GUCY1A2: variants seen among roughly 807,000 people sequenced by gnomAD.
GUCY1A2 encodes guanylate cyclase 1 soluble subunit alpha 2, also known as guanylate cyclase soluble subunit alpha-2.
Under a neutral mutation model 63.5 loss-of-function variants are expected in GUCY1A2, and 27 were observed. The observed-to-expected ratio is 0.43, with a 90% confidence interval of 0.31 to 0.59. The LOEUF (loss-of-function observed/expected upper bound fraction) is 0.59. Among genes scored for constraint, GUCY1A2 ranks in the 20% least tolerant of loss-of-function variants. GUCY1A2 has a pLI of 0.11. For synonymous variants in GUCY1A2, 364 were observed against 343.5 expected, an observed-to-expected ratio of 1.06 and a Z score of -0.66; for missense variants, 768 against 913.3, an observed-to-expected ratio of 0.84 and a Z score of 2.05.
At chr11:106,754,867 CAT>C (rs1863946107) in intron 6 of GUCY1A2, among the ~76,000 whole-genome samples, 1 of 152,158 alleles carries the variant, frequency 6.6e-6, no homozygotes, top group African/African-American at 2.4e-5. Flanking sequence ...ATGCTGGCCT[CAT>C]AAAATGAGTT....
At chr11:106,927,747 T>C (rs1052237672) in intron 4 of GUCY1A2, among the ~76,000 whole-genome samples, 3 of 150,094 alleles carry the variant, frequency 2.0e-5, no homozygotes. Context: ...TTTTTAAATA[T>C]ATTTTTAGTA....
At chr11:106,932,929 A>C (rs561611935) in intron 4 of GUCY1A2, among the ~76,000 whole-genome samples, 2 of 152,292 alleles carry the variant, frequency 1.3e-5, no homozygotes, top group East Asian at 3.9e-4. Context: ...AGGTGAATGA[A>C]ATGGGACCCC....
Position 106,703,912 on chromosome 11 carries a change from A to G in GUCY1A2, c.1991+4600T>C, listed in dbSNP as rs1862861230. ...CATTTAAGCAGAGGTACATAATTCA[A>G]TTAATCATGTGATTAATTGAATTAA... is the stretch of plus-strand genomic sequence containing the variant. On this transcript the variant is annotated intron_variant, in intron 7 of 7. Transcript: ENST00000526355. Among the ~76,000 whole-genome samples the G allele has an allele frequency of 2.6e-5, 4 of 152,182 alleles. No individual in the cohort carries two copies. The South Asian group carries it at 8.3e-4, about 32-fold the overall frequency.
chr11:106,947,330 T>C (rs954439984), intron 3 of GUCY1A2, among the ~76,000 whole-genome samples: 1 of 151,282 alleles, frequency 6.6e-6, no homozygotes. Context: ...AGCAAAATCA[T>C]AGAGAAATTA....
intron 6 of GUCY1A2, among the ~76,000 whole-genome samples, chr11:106,757,771 G>C (rs1591264116): frequency 6.6e-6 from 1 of 152,298 alleles, no homozygotes; most frequent in South Asian, 2.1e-4. Context: ...GAGCTCTCCT[G>C]TATGAGGTGT....
intron 3 of GUCY1A2, among the ~76,000 whole-genome samples, chr11:106,961,743 G>C: frequency 6.6e-6 from 1 of 152,130 alleles, no homozygotes. Flanking sequence ...TTCCTTTCTA[G>C]CTTGCAGAAG....
chr11:106,825,775 C>G (rs1322526647), intron 4 of GUCY1A2, among the ~76,000 whole-genome samples: 2 of 151,996 alleles, frequency 1.3e-5, no homozygotes, highest in African/African-American at 4.8e-5. Context: ...AAAAAAATTG[C>G]AAGAAAAATC....
rs76648571 is a variant in GUCY1A2 at position 106,819,840 on chromosome 11, T to C, written c.1207-9362A>G. 2.5e-3 allele frequency among the ~76,000 whole-genome samples: 385 copies of C among 152,272 alleles called. 2 individuals carry two copies. The highest frequency in any genetic ancestry group is 0.022 in the East Asian group (112 of 5,172). On this transcript the variant is annotated intron_variant, in intron 4 of 7. Transcript: ENST00000526355. ...AAAAATACTGTCTTTTGAGACACCATGTTTGAACATGAAGAACATTATGTA... is the reference window on the plus strand; with the variant it reads ...AAAAATACTGTCTTTTGAGACACCACGTTTGAACATGAAGAACATTATGTA...
rs76911646 is a variant in GUCY1A2, at chr11:106,873,942, T to C, written c.1207-63464A>G. On this transcript the variant is annotated intron_variant, in intron 4 of 7. Transcript: ENST00000526355. ...GTTTTTGCATATTGTCTCCTCTGCCTAGCGTGCTCTTTGTTTTCTAAGCTT... is the reference window on the plus strand; with the variant it reads ...GTTTTTGCATATTGTCTCCTCTGCCCAGCGTGCTCTTTGTTTTCTAAGCTT... Among the ~76,000 whole-genome samples, 876 of 152,318 alleles carry C rather than the reference T, an allele frequency of 5.8e-3. 5 individuals are homozygous for C. Among genetic ancestry groups the C allele is most frequent in the African/African-American group, 0.02 (844 of 41,588 alleles).
chr11:106,758,031 T>C (rs1031792806), intron 6 of GUCY1A2, among the ~76,000 whole-genome samples: 5 of 152,222 alleles, frequency 3.3e-5, no homozygotes, highest in African/African-American at 1.2e-4. Context: ...TGCTGCCTTT[T>C]GTTCAGATAT....
At chr11:106,948,028 T>A (rs551182931) in intron 3 of GUCY1A2, among the ~76,000 whole-genome samples, 2 of 152,178 alleles carry the variant, frequency 1.3e-5, no homozygotes, top group South Asian at 2.1e-4. Context: ...AAAAGAAACA[T>A]GCAACTTGCT....
At chr11:106,793,640 C>T (rs1864702144) in intron 5 of GUCY1A2, among the ~76,000 whole-genome samples, 1 of 151,884 alleles carries the variant, frequency 6.6e-6, no homozygotes, top group Non-Finnish European at 1.5e-5. Flanking sequence ...TCAAAGAACT[C>T]ATACAACTCA....
intron 4 of GUCY1A2, among the ~76,000 whole-genome samples, chr11:106,838,534 C>G (rs1042533059): frequency 2.0e-5 from 3 of 151,904 alleles, no homozygotes; most frequent in Non-Finnish European, 2.9e-5. Context: ...AAATTTTCAT[C>G]TTTATAAGCA....
chr11:106,966,844 TAA>T (rs1282616295), intron 3 of GUCY1A2, among the ~76,000 whole-genome samples: 3 of 152,288 alleles, frequency 2.0e-5, no homozygotes, highest in African/African-American at 7.2e-5. Context: ...ACTGACAAAT[TAA>T]GAGAAGTAAA....
chr11:106,946,705 T>A (rs1371560268), intron 3 of GUCY1A2, among the ~76,000 whole-genome samples: 1 of 152,058 alleles, frequency 6.6e-6, no homozygotes, highest in Non-Finnish European at 1.5e-5. Context: ...GCTAAATATA[T>A]AAAGCAAAAA....
At chr11:106,786,601 C>T (rs1864560056) in intron 5 of GUCY1A2, among the ~76,000 whole-genome samples, 1 of 152,176 alleles carries the variant, frequency 6.6e-6, no homozygotes, top group African/African-American at 2.4e-5. Context: ...ATATTGAATA[C>T]TGAAGCATGT....
At chr11:106,727,962 AT>A (rs1027463684) in intron 6 of GUCY1A2, among the ~76,000 whole-genome samples, 9 of 152,184 alleles carry the variant, frequency 5.9e-5, no homozygotes, top group African/African-American at 2.2e-4. Flanking sequence ...CCAAATTAGA[AT>A]CTCCCAATGG....
At position 107,018,007 on chromosome 11, in the gene GUCY1A2, C is replaced by G. The variant is rs1251689662; in HGVS notation, c.49G>C (p.Asp17His). 11 of 1,473,510 alleles carry G rather than the reference C, an allele frequency of 7.5e-6. No individual in the cohort carries two copies. Among genetic ancestry groups the G allele is most frequent in the Admixed American group, 2.0e-5 (1 of 48,880 alleles). The allele number at this position is 1,473,510 out of a possible 1,614,324, so 91.3% of individuals were successfully genotyped here. A position where few individuals can be genotyped will look rare whatever the true frequency, so the allele number is the denominator to read the frequency against. ...SSESFSSLGS[D>H]YLETSPEEEG... is the part of the protein sequence containing the mutation. ...TCCTCCGGGCTGGTCTCCAGGTAGT[C>G]GGAGCCCAGGGAGCTGAAGGACTCG... Residue 17 changes from aspartate (D) to histidine (H), a missense_variant, in exon 1 of 8, where the codon GAC becomes CAC. Asp to His is a moderately conservative substitution (Grantham distance 81). This residue lies in a region of GUCY1A2 where 496 missense variants were observed against 486.9 expected (regional missense o/e 1.02). Coordinates refer to ENST00000526355, the MANE Select transcript of GUCY1A2 (RefSeq NM_000855.3).
Position 106,945,833 on chromosome 11 carries a change from G to A in GUCY1A2, c.488-5655C>T, listed in dbSNP as rs150755652. Among the ~76,000 whole-genome samples the A allele has an allele frequency of 1.3e-3, 200 of 152,246 alleles. 1 individual carries two copies. The highest frequency in any genetic ancestry group is 4.7e-3 in the African/African-American group (194 of 41,562). ...TACAAAATTATCTGGGCATGGTGGC[G>A]CATGCCTATAATCCCAGCTACTTGG... On this transcript the variant is annotated intron_variant, in intron 3 of 7. Transcript: ENST00000526355.
Sources: gnomAD v4.1 joint callset for allele counts (sites outside exome capture counted in the v4.1 genomes callset) on GRCh38, gnomAD v4.1.1 for gene constraint, gnomAD v4.1.1 regional missense constraint, MANE v1.5 for transcripts, NCBI Gene and HGNC (gene_info 2026-07-23, HGNC 2026-07-21) for gene names.